Variants in TMEM232 observed in about 807,000 individuals in gnomAD.
TMEM232 encodes the protein transmembrane protein 232.
A neutral mutation model predicts 78.8 loss-of-function variants in TMEM232; 80 were observed. The observed-to-expected ratio is 1.01, with a 90% CI of 0.85 to 1.22. TMEM232 has a LOEUF of 1.22. Among genes scored for constraint, TMEM232 ranks in the 50% most tolerant of loss-of-function variants. TMEM232 has a pLI of 0.00. For missense variants in TMEM232, 881 were observed against 742.2 expected, an observed-to-expected ratio of 1.19 and a Z score of -2.17; for synonymous variants, 297 against 254.3, an observed-to-expected ratio of 1.17 and a Z score of -1.60.
intron 10 of TMEM232, among the ~76,000 whole-genome samples, chr5:110,587,736 T>C (rs1425422202): frequency 2.2e-5 from 3 of 138,894 alleles, no homozygotes; most frequent in East Asian, 4.2e-4. Flanking sequence ...TGTGTGTGTG[T>C]GTCAAACTTG....
At chr5:110,645,449 A>G (rs1225880200) in intron 2 of TMEM232, among the ~76,000 whole-genome samples, 1 of 149,140 alleles carries the variant, frequency 6.7e-6, no homozygotes, top group Non-Finnish European at 1.5e-5. Flanking sequence ...GTAATATACC[A>G]TATTACCAAA....
intron 1 of TMEM232, among the ~76,000 whole-genome samples, chr5:110,703,341 G>T (rs1795618137): frequency 6.6e-6 from 1 of 152,006 alleles, no homozygotes; most frequent in Non-Finnish European, 1.5e-5. Flanking sequence ...AGTTTGCTAT[G>T]CTACAACATG....
At chr5:110,493,107 A>G (rs1765286383) in intron 12 of TMEM232, among the ~76,000 whole-genome samples, 1 of 151,828 alleles carries the variant, frequency 6.6e-6, no homozygotes, top group Admixed American at 6.6e-5. Context: ...CCCATACAAG[A>G]AAAAAAATTA....
chr5:110,521,971 A>G (rs1769586701), intron 12 of TMEM232, among the ~76,000 whole-genome samples: 1 of 152,116 alleles, frequency 6.6e-6, no homozygotes, highest in Non-Finnish European at 1.5e-5. Flanking sequence ...TGAATTTCAG[A>G]ATTGTTATTT....
chr5:110,646,967 T>C (rs1787585455), intron 2 of TMEM232, among the ~76,000 whole-genome samples: 1 of 151,790 alleles, frequency 6.6e-6, no homozygotes, highest in African/African-American at 2.4e-5. Flanking sequence ...TCTTCTTTTT[T>C]CAACTATTTT....
At chr5:110,720,531 G>A (rs537410294) in intron 1 of TMEM232, 1 of 152,206 alleles carries the variant, frequency 6.6e-6, no homozygotes, top group Admixed American at 6.6e-5. Context: ...CTTACCTTAT[G>A]TTGCACTTGA....
downstream of TMEM232, among the ~76,000 whole-genome samples, chr5:110,417,126 A>G (rs1056422530): frequency 7.2e-5 from 11 of 152,214 alleles, no homozygotes; most frequent in African/African-American, 2.2e-4. Flanking sequence ...AAATAAATGT[A>G]GGGAGTCTTG....
downstream of TMEM232, among the ~76,000 whole-genome samples, chr5:110,417,214 T>G (rs1270188768): frequency 6.6e-6 from 1 of 152,162 alleles, no homozygotes; most frequent in African/African-American, 2.4e-5. Flanking sequence ...ACTTTAGACC[T>G]GAGATACGTT....
intron 3 of TMEM232, among the ~76,000 whole-genome samples, chr5:110,391,326 T>TGTGTGTGTGTGTGAGAGA (rs549361387): frequency 9.3e-5 from 13 of 139,808 alleles, no homozygotes; most frequent in African/African-American, 3.8e-4. Flanking sequence ...TGTGTGTGTG[T>TGTGTGTGTGTGTGAGAGA]GAGAGAGAGA....
At chr5:110,458,489 T>C (rs1036647515) in intron 12 of TMEM232, among the ~76,000 whole-genome samples, 2 of 152,188 alleles carry the variant, frequency 1.3e-5, no homozygotes, top group African/African-American at 4.8e-5. Context: ...CCTGGCAGCA[T>C]GAATAGTAGC....
chr5:110,405,190 A>T (rs1430758549), intron 2 of TMEM232, among the ~76,000 whole-genome samples: 4 of 152,140 alleles, frequency 2.6e-5, no homozygotes, highest in Non-Finnish European at 5.9e-5. Context: ...GAAAAAATGA[A>T]GCAGGCTGAT....
chr5:110,516,822 T>TA (rs1768737093), intron 12 of TMEM232, among the ~76,000 whole-genome samples: 1 of 152,036 alleles, frequency 6.6e-6, no homozygotes, highest in Non-Finnish European at 1.5e-5. Flanking sequence ...ATCTATAGGC[T>TA]AAAAACACAA....
intron 11 of TMEM232, among the ~76,000 whole-genome samples, chr5:110,539,384 G>A (rs1316360058): frequency 6.6e-6 from 1 of 152,166 alleles, no homozygotes; most frequent in African/African-American, 2.4e-5. Context: ...TTACATGTTA[G>A]TACAGGACCT....
chr5:110,688,504 C>G (rs935650702), intron 1 of TMEM232, among the ~76,000 whole-genome samples: 2 of 152,112 alleles, frequency 1.3e-5, no homozygotes, highest in Non-Finnish European at 2.9e-5. Context: ...GACAGCACCT[C>G]AAAAGAAATG....
At chr5:110,618,660 A>C (rs1302073092) in intron 7 of TMEM232, 98 bp from the exon 8 acceptor site, 2 of 1,192,170 alleles carry the variant, frequency 1.7e-6, no homozygotes, top group Non-Finnish European at 2.3e-6. Flanking sequence ...TTAAATATAC[A>C]AATGAAAATG....
chr5:110,688,085 C>T (rs552121709), intron 1 of TMEM232, among the ~76,000 whole-genome samples: 25 of 112,518 alleles, frequency 2.2e-4, no homozygotes, highest in African/African-American at 8.1e-4. Flanking sequence ...CTTCTCTACT[C>T]TGAGGGGATG....
chr5:110,676,636 C>G (rs1478474406), intron 1 of TMEM232, among the ~76,000 whole-genome samples: 1 of 151,994 alleles, frequency 6.6e-6, no homozygotes, highest in Non-Finnish European at 1.5e-5. Context: ...GTTGCCCAGG[C>G]TGATCTCAAA....
intron 10 of TMEM232, among the ~76,000 whole-genome samples, chr5:110,571,534 A>C (rs1334289484): frequency 6.6e-6 from 1 of 151,890 alleles, no homozygotes; most frequent in East Asian, 1.9e-4. Flanking sequence ...AAAAATAAAT[A>C]AGAGGCCAGT....
chr5:110,534,228 A>G (rs1239894699), intron 11 of TMEM232, among the ~76,000 whole-genome samples: 3 of 152,206 alleles, frequency 2.0e-5, no homozygotes, highest in African/African-American at 7.2e-5. Context: ...ACCTCTATAC[A>G]GTCTGATAGC....
Sources: allele counts gnomAD v4.1 joint callset (sites outside exome capture counted in the v4.1 genomes callset), GRCh38; gene constraint gnomAD v4.1.1; transcripts MANE v1.5; gene names NCBI Gene and HGNC (gene_info 2026-07-23, HGNC 2026-07-21).